The following ACACB variants were observed in gnomAD, a reference collection of about 807,000 sequenced individuals.
ACACB encodes the protein acetyl-CoA carboxylase 2.
ACACB carries 209 observed loss-of-function variants against 278.8 expected under a neutral mutation model. The ratio of observed to expected loss-of-function variants is 0.75; its 90% CI spans 0.67 to 0.84. ACACB has a LOEUF of 0.84. Ranked by LOEUF, ACACB falls within the 40% of genes least tolerant of loss-of-function variation. ACACB has a pLI of 0.00. For synonymous variants in ACACB, 1,174 were observed against 1,285.6 expected (o/e 0.91, Z 1.86); for missense variants, 2,850 against 3,269.0 (o/e 0.87, Z 3.13).
At position 109,262,814 on chromosome 12, in the gene ACACB, G is replaced by A. The variant is rs11066017; in HGVS notation, c.6787+345G>A. On this transcript the variant is annotated intron_variant, in intron 49 of 52. Coordinates refer to ENST00000338432, the MANE Select transcript of ACACB (RefSeq NM_001093.4). The stretch of plus-strand genomic sequence containing the variant: ...TGTATTTTTGTAGATGTGGGGTTTC[G>A]CCATGTTGCCCAGGCTGTTCTCAAA... 2.2e-3 allele frequency among the ~76,000 whole-genome samples: 337 copies of A among 151,200 alleles called. 7 individuals carry two copies. The East Asian group carries it at 0.058, about 26-fold the overall frequency.
Position 109,245,669 on chromosome 12 carries a change from A to G in ACACB, c.5222A>G (p.Asp1741Gly). ...GGCTCCCCAGACAAGTATCCCAAAG[A>G]CATCCTGACATACACTGAATTAGTG... Reference protein sequence around the residue: ...LWGSPDKYPKDILTYTELVLD... With the variant: ...LWGSPDKYPKGILTYTELVLD... The change falls in exon 38 of 53, where the codon GAC becomes GGC. Residue 1741 changes from aspartate to glycine, a missense_variant. By Grantham distance (94) the Asp-to-Gly change is moderately conservative. Coordinates refer to ENST00000338432, the MANE Select transcript of ACACB (RefSeq NM_001093.4). The G allele has an allele frequency of 6.2e-7, 1 of 1,614,150 alleles. No homozygotes were observed. The highest frequency in any genetic ancestry group is 1.6e-4 in the Middle Eastern group (1 of 6,062).
chr12:109,265,650 CG>C, intron 52 of ACACB, 125 bp downstream of exon 52: 1 of 1,223,940 alleles, frequency 8.2e-7, no homozygotes, highest in Non-Finnish European at 1.1e-6. Context: ...GGGTTGTCCC[CG>C]CCCCCTCCCC....
intron 33 of ACACB, among the ~76,000 whole-genome samples, chr12:109,236,873 G>A (rs1029302052): frequency 6.6e-6 from 1 of 151,880 alleles, no homozygotes; most frequent in Non-Finnish European, 1.5e-5. Context: ...AGAACAGCCT[G>A]GTCACGCTGG....
At chr12:109,197,751 C>T (rs1027103045) in intron 17 of ACACB, among the ~76,000 whole-genome samples, 6 of 151,998 alleles carry the variant, frequency 3.9e-5, no homozygotes, top group South Asian at 2.1e-4. Flanking sequence ...CCCGAGATCA[C>T]GCAATGAAAC....
intron 1 of ACACB, among the ~76,000 whole-genome samples, chr12:109,126,617 G>A (rs1402266758): frequency 1.3e-5 from 2 of 152,156 alleles, no homozygotes; most frequent in African/African-American, 4.8e-5. Context: ...CCAGGAGTTC[G>A]AGGCTGCTGT....
At chr12:109,199,600 C>G in intron 18 of ACACB, 48 bp downstream of exon 18, 2 of 1,366,128 alleles carry the variant, frequency 1.5e-6, no homozygotes, top group South Asian at 2.1e-5. Context: ...CAAACTCCCA[C>G]TCTTCTGGCT....
chr12:109,252,218 C>T (rs1050275530), intron 42 of ACACB, 62 bp downstream of exon 42: 28 of 1,155,636 alleles, frequency 2.4e-5, no homozygotes, highest in Non-Finnish European at 3.4e-5. Context: ...TTTAACATTC[C>T]CATTGGTCTC....
Position 109,166,911 on chromosome 12 carries a change from A to ATGT in ACACB, c.704_705insTGT (p.Lys235delinsAsnVal). On this transcript the variant is annotated protein_altering_variant, in exon 3 of 53. Coordinates refer to ENST00000338432, the MANE Select transcript of ACACB (RefSeq NM_001093.4). The stretch of plus-strand genomic sequence containing the variant: ...GTGAAGAGGGGACGGGAACACAAGA[A>ATGT]GCTGGACCTGCACAGAGACTTTACC... 1 of 1,614,070 alleles carries ATGT rather than the reference A, an allele frequency of 6.2e-7. No homozygotes were observed. Among genetic ancestry groups the ATGT allele is most frequent in the Non-Finnish European group, 8.5e-7 (1 of 1,180,022 alleles).
At chr12:109,192,655 CT>C (rs912781854) in intron 15 of ACACB, among the ~76,000 whole-genome samples, 67 of 147,106 alleles carry the variant, frequency 4.6e-4, no homozygotes, top group Admixed American at 8.2e-4. Context: ...AAAGGATAAA[CT>C]TTTTTTTTTT....
intron 36 of ACACB, chr12:109,241,773 A>G (rs1047739447): frequency 6.0e-6 from 1 of 167,982 alleles, no homozygotes; most frequent in Non-Finnish European, 1.3e-5. Context: ...AGTGAATTAA[A>G]TGTTCTTTTG....
At chr12:109,246,711 T>C (rs191218936) in intron 39 of ACACB, among the ~76,000 whole-genome samples, 1 of 152,112 alleles carries the variant, frequency 6.6e-6, no homozygotes, top group African/African-American at 2.4e-5. Context: ...TGAGCTGATA[T>C]ACACTGAGCG....
In ACACB at chr12:109,233,430, G is replaced by A. The variant is rs182601824; in HGVS notation, c.4140-318G>A. Among the ~76,000 whole-genome samples the A allele has an allele frequency of 7.3e-3, 1,110 of 152,184 alleles. 8 individuals are homozygous for A. The highest frequency in any genetic ancestry group is 0.011 in the Non-Finnish European group (746 of 67,996). On this transcript the variant is annotated intron_variant, in intron 29 of 52. Coordinates refer to ENST00000338432, the MANE Select transcript of ACACB (RefSeq NM_001093.4). ...ACTCGGGGTGAGGTGAGGTTTCTAG[G>A]ATCTCCCAGCCAGTAAAAATGGGAG...
Position 109,237,912 on chromosome 12 carries a change from C to T in ACACB, c.4662+532C>T, listed in dbSNP as rs146172968. Among the ~76,000 whole-genome samples, 706 of 150,352 alleles carry T rather than the reference C, an allele frequency of 4.7e-3. 5 individuals are homozygous for T. The highest frequency in any genetic ancestry group is 0.017 in the African/African-American group (676 of 40,896). On this transcript the variant is annotated intron_variant, in intron 34 of 52. Transcript: ENST00000338432. ...CTGTAATTCCAGCTACTCAGGAGGC[C>T]GAGGCATGAGAATCGCTTGAACCTG...
At chr12:109,186,219 C>T (rs2044659112) in intron 12 of ACACB, among the ~76,000 whole-genome samples, 1 of 152,332 alleles carries the variant, frequency 6.6e-6, no homozygotes, top group Middle Eastern at 3.4e-3. Flanking sequence ...GCATGAGCCA[C>T]CACACCTGGC....
At chr12:109,211,746 C>T (rs968236057) in intron 21 of ACACB, among the ~76,000 whole-genome samples, 1 of 152,162 alleles carries the variant, frequency 6.6e-6, no homozygotes, top group Non-Finnish European at 1.5e-5. Flanking sequence ...TATGAATACA[C>T]TACCAACCAC....
chr12:109,226,168 G>C (rs753386298), intron 27 of ACACB, among the ~76,000 whole-genome samples: 5 of 152,210 alleles, frequency 3.3e-5, no homozygotes, highest in Non-Finnish European at 7.4e-5. Flanking sequence ...CTACTTGGGA[G>C]GCTGAAGTGG....
chr12:109,262,995 A>C (rs577313937), intron 49 of ACACB: 4 of 62,350 alleles, frequency 6.4e-5, no homozygotes, highest in Non-Finnish European at 1.8e-4. Flanking sequence ...GCCATCGTGA[A>C]TTTATTTCTC....
intron 2 of ACACB, among the ~76,000 whole-genome samples, chr12:109,153,937 C>G (rs1300427708): frequency 3.3e-5 from 5 of 152,194 alleles, no homozygotes; most frequent in Admixed American, 6.5e-5. Flanking sequence ...GTATTACAGG[C>G]ATGAGCTACC....
intron 4 of ACACB, among the ~76,000 whole-genome samples, chr12:109,169,773 C>T (rs2044048401): frequency 6.6e-6 from 1 of 152,128 alleles, no homozygotes; most frequent in African/African-American, 2.4e-5. Flanking sequence ...TGTTTATTTT[C>T]TTGTTTATCT....
Sources: allele counts gnomAD v4.1 joint callset (sites outside exome capture counted in the v4.1 genomes callset), GRCh38; gene constraint gnomAD v4.1.1; transcripts MANE v1.5; gene names NCBI Gene and HGNC (gene_info 2026-07-23, HGNC 2026-07-21).